Variants in SOAT1 observed in about 807,000 individuals in gnomAD.
SOAT1 encodes the protein sterol O-acyltransferase 1.
Under a neutral mutation model 69.5 loss-of-function variants are expected in SOAT1, and 55 were observed. The observed-to-expected ratio is 0.79, with a 90% CI of 0.64 to 0.99. The LOEUF (loss-of-function observed/expected upper bound fraction) is 0.99. Ranked by LOEUF, SOAT1 falls within the 50% of genes least tolerant of loss-of-function variation. SOAT1 has a pLI of 0.00. For missense variants in SOAT1, 580 were observed against 669.3 expected, an observed-to-expected ratio of 0.87 and a Z score of 1.47; for synonymous variants, 231 against 224.7, an observed-to-expected ratio of 1.03 and a Z score of -0.25.
intron 3 of SOAT1, among the ~76,000 whole-genome samples, chr1:179,331,239 C>G (rs903329004): frequency 6.6e-6 from 1 of 152,194 alleles, no homozygotes; most frequent in African/African-American, 2.4e-5. Context: ...TCATCACTTA[C>G]AAAAGGTAGA....
intron 5 of SOAT1, 148 bp from the exon 6 acceptor site, chr1:179,339,290 T>C: frequency 2.0e-6 from 1 of 493,618 alleles, no homozygotes; most frequent in Non-Finnish European, 3.5e-6. Flanking sequence ...TTTTAAAGAA[T>C]GTAGACCATT....
chr1:179,346,654 A>G (rs1666543799), intron 11 of SOAT1, among the ~76,000 whole-genome samples: 1 of 152,192 alleles, frequency 6.6e-6, no homozygotes, highest in Non-Finnish European at 1.5e-5. Context: ...CCATGTCACT[A>G]TTAACATTTT....
intron 5 of SOAT1, among the ~76,000 whole-genome samples, chr1:179,338,895 C>T (rs1666243090): frequency 6.6e-6 from 1 of 151,816 alleles, no homozygotes; most frequent in South Asian, 2.1e-4. Context: ...CATTATCTTT[C>T]CAAAAACAAG....
At position 179,323,510 on chromosome 1, in the gene SOAT1, C is replaced by A; in HGVS notation, c.177+15C>A. 1 of 1,607,126 alleles carries A rather than the reference C, an allele frequency of 6.2e-7. No homozygotes were observed. Among genetic ancestry groups the A allele is most frequent in the South Asian group, 1.1e-5 (1 of 90,574 alleles). On this transcript the variant is annotated intron_variant, in intron 3 of 15. Coordinates refer to ENST00000367619, the MANE Select transcript of SOAT1 (RefSeq NM_003101.6). ...CAGAGGCAGAGGCAAGTAACTCCCT[C>A]TTCTAGAAACAAAAATGTAGAGTTT...
At chr1:179,319,720 G>A (rs1411059596) in intron 2 of SOAT1, among the ~76,000 whole-genome samples, 1 of 152,004 alleles carries the variant, frequency 6.6e-6, no homozygotes, top group Non-Finnish European at 1.5e-5. Context: ...AGGTTCAAGC[G>A]ATTCTCTCAC....
intron 5 of SOAT1, among the ~76,000 whole-genome samples, chr1:179,338,963 C>A (rs950440141): frequency 2.6e-5 from 4 of 151,956 alleles, no homozygotes; most frequent in African/African-American, 7.2e-5. Flanking sequence ...TAGGAAAAGT[C>A]ATCTATATTA....
At chr1:179,343,678 G>T in intron 10 of SOAT1, 43 bp downstream of exon 10, 4 of 1,362,600 alleles carry the variant, frequency 2.9e-6, no homozygotes, top group South Asian at 1.2e-5. Flanking sequence ...TTAGGGGATG[G>T]GGATTCATAT....
chr1:179,299,055 T>C (rs937512536), intron 1 of SOAT1, among the ~76,000 whole-genome samples: 5 of 152,092 alleles, frequency 3.3e-5, no homozygotes, highest in African/African-American at 1.2e-4. Flanking sequence ...AAGCCTAATG[T>C]AAGAGACAGA....
intron 3 of SOAT1, among the ~76,000 whole-genome samples, chr1:179,332,909 C>G (rs944410665): frequency 2.0e-4 from 30 of 150,120 alleles, no homozygotes; most frequent in Non-Finnish European, 4.5e-4. Flanking sequence ...GGAGGAGATT[C>G]AGGAAATGTA....
At chr1:179,340,249 C>G (rs982921910) in intron 6 of SOAT1, among the ~76,000 whole-genome samples, 13 of 152,170 alleles carry the variant, frequency 8.5e-5, no homozygotes. Flanking sequence ...AATCTCAGCA[C>G]TTTGGGAGGC....
chr1:179,342,901 T>C lies in SOAT1; in HGVS notation c.899T>C (p.Phe300Ser). The part of the protein sequence containing the change: ...PIPTVNQYLY[F>S]LFAPTLIYRD... ...CCTACAGTCAACCAGTATTTGTACT[T>C]CTTATTTGCTCCTACCCTTATCTAC... The change falls in exon 9 of 16, where the codon TTC becomes TCC. Residue 300 changes from phenylalanine (F) to serine (S), a missense_variant. Coordinates refer to ENST00000367619, the MANE Select transcript of SOAT1 (RefSeq NM_003101.6). 1 of 1,613,924 alleles carries C rather than the reference T, an allele frequency of 6.2e-7. No homozygotes were observed. The highest frequency in any genetic ancestry group is 8.5e-7 in the Non-Finnish European group (1 of 1,179,802).
chr1:179,329,822 T>C (rs943425487), intron 3 of SOAT1, among the ~76,000 whole-genome samples: 1 of 152,218 alleles, frequency 6.6e-6, no homozygotes, highest in African/African-American at 2.4e-5. Flanking sequence ...CCTGTGATTA[T>C]TGTGTAAGTT....
At position 179,341,304 on chromosome 1, in the gene SOAT1, C is replaced by T. The variant is rs7547733; in HGVS notation, c.774C>T (p.Phe258=). Reference sequence around the variant, plus strand: ...CAGCTTCCCGGTTCATCATTATATTCGAGCAGGTAAGGTTTTAAGTGTTAC... The same window carrying T: ...CAGCTTCCCGGTTCATCATTATATTTGAGCAGGTAAGGTTTTAAGTGTTAC... ...LPPASRFIII[F]EQIRFVMKAH... The change falls in exon 7 of 16, where the codon TTC becomes TTT. Residue 258 remains phenylalanine, a synonymous_variant. Transcript: ENST00000367619. 0.17 allele frequency: 274,253 copies of T among 1,613,314 alleles called. 26,462 individuals are homozygous for T. The highest frequency in any genetic ancestry group is 0.2 in the Non-Finnish European group (238,820 of 1,179,512).
intron 8 of SOAT1, 137 bp downstream of exon 8, chr1:179,342,329 C>A: frequency 1.8e-6 from 1 of 560,316 alleles, no homozygotes; most frequent in Admixed American, 3.5e-5. Context: ...CTCTTTCTCT[C>A]TCTCTCTCTT....
At chr1:179,348,530 T>C (rs1055086335) in intron 12 of SOAT1, among the ~76,000 whole-genome samples, 2 of 152,164 alleles carry the variant, frequency 1.3e-5, no homozygotes, top group Non-Finnish European at 2.9e-5. Context: ...GGCTTACTGA[T>C]TGCTGTTTAG....
Position 179,296,100 on chromosome 1 carries a change from C to T in SOAT1, c.-9+2164C>T, listed in dbSNP as rs148939819. On this transcript the variant is annotated intron_variant, in intron 1 of 15. Transcript: ENST00000367619. ...CCTCCCAAAGTGCTGGGATTACAGG[C>T]GTGAGCCACCGCGCCCAGCTCACCC... Among the ~76,000 whole-genome samples the T allele has an allele frequency of 5.8e-3, 872 of 150,020 alleles. 9 individuals carry two copies. Among genetic ancestry groups the T allele is most frequent in the African/African-American group, 0.02 (818 of 40,560 alleles).
intron 2 of SOAT1, among the ~76,000 whole-genome samples, chr1:179,311,798 T>C (rs752226953): frequency 2.0e-5 from 3 of 152,226 alleles, no homozygotes; most frequent in Non-Finnish European, 4.4e-5. Context: ...GTATCACTGA[T>C]GACATCCATA....
In SOAT1 at chr1:179,358,229, A is replaced by G. The variant is rs1392861940; in HGVS notation, c.*4588A>G. 6.6e-6 allele frequency: 1 copy of G among 152,210 alleles called. No homozygotes were observed. Among genetic ancestry groups the G allele is most frequent in the Non-Finnish European group, 1.5e-5 (1 of 68,038 alleles). The allele number at this position is 152,210 out of a possible 1,614,324, so 9.4% of individuals were successfully genotyped here. A position where few individuals can be genotyped will look rare whatever the true frequency, so the allele number is the denominator to read the frequency against. ...ACTTTTGACTATATTAGTCAAGCAT[A>G]TTATTAAAGTTTAAAAAACTCTAAA... On this transcript the variant is annotated 3_prime_UTR_variant, in exon 16 of 16. Coordinates refer to ENST00000367619, the MANE Select transcript of SOAT1 (RefSeq NM_003101.6).
At chr1:179,334,450 G>T (rs1666076582) in intron 3 of SOAT1, among the ~76,000 whole-genome samples, 1 of 152,022 alleles carries the variant, frequency 6.6e-6, no homozygotes, top group Non-Finnish European at 1.5e-5. Flanking sequence ...GTTTTATTTT[G>T]TCTTAAAAGT....
Sources: gnomAD v4.1 joint callset for allele counts (sites outside exome capture counted in the v4.1 genomes callset) on GRCh38, gnomAD v4.1.1 for gene constraint, MANE v1.5 for transcripts, NCBI Gene and HGNC (gene_info 2026-07-23, HGNC 2026-07-21) for gene names.